The following NMBR variants were observed in gnomAD, a reference collection of about 807,000 sequenced individuals.
The protein encoded by NMBR is neuromedin B receptor.
In NMBR, 16 loss-of-function variants were observed where a neutral mutation model predicts 20.5. The ratio of observed to expected loss-of-function variants is 0.78; its 90% CI spans 0.53 to 1.19. The LOEUF is 1.19. NMBR is among the 50% of genes most tolerant of loss of function. The pLI, the probability that NMBR is intolerant of heterozygous loss-of-function variation, is 0.00. For synonymous variants in NMBR, 212 were observed against 196.6 expected, an observed-to-expected ratio of 1.08 and a Z score of -0.65; for missense variants, 582 against 499.1, an observed-to-expected ratio of 1.17 and a Z score of -1.58.
Position 142,120,845 on chromosome 6 carries a change from TACA to T in NMBR, c.-664+26196_-664+26198del, listed in dbSNP as rs374009784. 4.1e-3 allele frequency among the ~76,000 whole-genome samples: 629 copies of T among 152,114 alleles called. 4 individuals carry two copies. Among genetic ancestry groups the T allele is most frequent in the African/African-American group, 0.014 (600 of 41,546 alleles). The stretch of plus-strand genomic sequence containing the variant: ...ATTCAGCAAACAACAAAATAAAATT[TACA>T]ACATCAGACATCCAGTCAAAAATTA... On this transcript the variant is annotated intron_variant, in intron 1 of 3. Coordinates refer to ENST00000258042, the MANE Select transcript of NMBR (RefSeq NM_002511.4).
chr6:142,075,960 C>A lies in NMBR; in HGVS notation c.861G>T (p.Met287Ile). Residue 287 changes from methionine to isoleucine, a missense_variant, in exon 4 of 4, where the codon ATG (methionine) becomes ATT (isoleucine). Transcript: ENST00000258042. ...TCTCATTATAGTTGAAAGACCGATA[C>A]ATGTAAAGGATGTGGTTTGGAAACC... ...FCWFPNHILY[M>I]YRSFNYNEID... The A allele has an allele frequency of 1.9e-6, 3 of 1,613,778 alleles. No homozygotes were observed. The highest frequency in any genetic ancestry group is 2.2e-5 in the East Asian group (1 of 44,848).
Position 142,119,809 on chromosome 6 carries a change from A to T in NMBR, c.-664+27235T>A, listed in dbSNP as rs185145604. On this transcript the variant is annotated intron_variant, in intron 1 of 3. Transcript: ENST00000258042. Reference sequence around the variant, plus strand: ...CAGAGTCTTTCGTTTTAAGAATTTTACTAAACAACCCACAGAGTCTGGCTT... The same window carrying T: ...CAGAGTCTTTCGTTTTAAGAATTTTTCTAAACAACCCACAGAGTCTGGCTT... Among the ~76,000 whole-genome samples the T allele has an allele frequency of 1.4e-4, 21 of 152,060 alleles. No homozygotes were observed. The East Asian group carries it at 4.1e-3, about 30-fold the overall frequency.
chr6:142,126,183 A>G (rs1258313344), intron 1 of NMBR, among the ~76,000 whole-genome samples: 1 of 151,358 alleles, frequency 6.6e-6, no homozygotes, highest in Admixed American at 6.6e-5. Context: ...CCGTCAACAT[A>G]ATGTCCTTCA....
intron 1 of NMBR, among the ~76,000 whole-genome samples, chr6:142,099,607 GAC>G (rs911901232): frequency 2.0e-5 from 3 of 152,008 alleles, no homozygotes; most frequent in African/African-American, 7.2e-5. Flanking sequence ...TTTTGCTGGG[GAC>G]ACAGAGACAA....
intron 1 of NMBR, among the ~76,000 whole-genome samples, chr6:142,129,933 C>A (rs1230102375): frequency 2.0e-5 from 3 of 152,084 alleles, no homozygotes; most frequent in Non-Finnish European, 2.9e-5. Context: ...GATTCCAGAG[C>A]CCGTGATCTT....
intron 1 of NMBR, among the ~76,000 whole-genome samples, chr6:142,142,358 T>G (rs1778374211): frequency 6.6e-6 from 1 of 152,186 alleles, no homozygotes; most frequent in Non-Finnish European, 1.5e-5. Context: ...ATATTAAAAA[T>G]TCTTAGCAAA....
chr6:142,117,699 T>C (rs970562225), intron 1 of NMBR, among the ~76,000 whole-genome samples: 1 of 151,882 alleles, frequency 6.6e-6, no homozygotes, highest in African/African-American at 2.4e-5. Context: ...TACAAGTATT[T>C]CCCAAATTAA....
At chr6:142,087,922 G>A (rs1337405622) in intron 2 of NMBR, among the ~76,000 whole-genome samples, 1 of 152,176 alleles carries the variant, frequency 6.6e-6, no homozygotes, top group African/African-American at 2.4e-5. Flanking sequence ...TCTTTTGCAT[G>A]TTTATTCTAT....
In NMBR at chr6:142,074,825, T is replaced by TTCATTTGTA. The variant is rs1776896310; in HGVS notation, c.*822_*823insTACAAATGA. On this transcript the variant is annotated 3_prime_UTR_variant, in exon 4 of 4. Coordinates refer to ENST00000258042, the MANE Select transcript of NMBR (RefSeq NM_002511.4). ...TTTGCAATTTGGGACATATGATACC[T>TTCATTTGTA]ATTTTACATTCATAATGTAAATCAT... Among the ~76,000 whole-genome samples, 2 of 152,132 alleles carry TTCATTTGTA rather than the reference T, an allele frequency of 1.3e-5. No homozygotes were observed. The highest frequency in any genetic ancestry group is 1.3e-4 in the Admixed American group (2 of 15,268).
intron 1 of NMBR, among the ~76,000 whole-genome samples, chr6:142,121,308 C>G (rs900523557): frequency 1.3e-5 from 2 of 151,760 alleles, no homozygotes; most frequent in Non-Finnish European, 2.9e-5. Context: ...CCAACAAAGG[C>G]CTCTAAGTGT....
intron 3 of NMBR, among the ~76,000 whole-genome samples, chr6:142,078,130 T>C (rs974060224): frequency 1.3e-5 from 2 of 152,202 alleles, no homozygotes; most frequent in Non-Finnish European, 2.9e-5. Flanking sequence ...TCCCAGGCAG[T>C]GTCCTATAGT....
intron 1 of NMBR, among the ~76,000 whole-genome samples, chr6:142,143,108 A>T (rs2114616753): frequency 6.6e-6 from 1 of 152,216 alleles, no homozygotes; most frequent in Non-Finnish European, 1.5e-5. Context: ...AAATAAACTT[A>T]TGAGGAATAA....
chr6:142,075,723 T>A lies in NMBR; in HGVS notation c.1098A>T (p.Lys366Asn). ...SSSAVRMTSL[K>N]SNAKNMVTNS... ...TGGTCACCATGTTCTTAGCATTGCT[T>A]TTCAGAGATGTCATACGCACCGCTG... Residue 366 changes from lysine (K) to asparagine (N), a missense_variant, in exon 4 of 4, where the codon AAA becomes AAT. By Grantham distance (94) the Lys-to-Asn change is moderately conservative. Coordinates refer to ENST00000258042, the MANE Select transcript of NMBR (RefSeq NM_002511.4). The A allele has an allele frequency of 6.2e-7, 1 of 1,614,022 alleles. No individual in the cohort carries two copies. The highest frequency in any genetic ancestry group is 2.2e-5 in the East Asian group (1 of 44,882).
chr6:142,091,394 T>C (rs570874526), intron 1 of NMBR, among the ~76,000 whole-genome samples: 1 of 152,264 alleles, frequency 6.6e-6, no homozygotes. Context: ...TGGCTAACTT[T>C]TTTAATTTTT....
chr6:142,144,025 G>A (rs541879594), intron 1 of NMBR, among the ~76,000 whole-genome samples: 137 of 152,218 alleles, frequency 9.0e-4, no homozygotes, highest in Non-Finnish European at 1.6e-3. Context: ...TAAATGTGCC[G>A]GAACAATTAA....
chr6:142,092,286 A>G (rs981671706), intron 1 of NMBR, among the ~76,000 whole-genome samples: 1 of 152,172 alleles, frequency 6.6e-6, no homozygotes, highest in Non-Finnish European at 1.5e-5. Flanking sequence ...AGATAAGGAA[A>G]CAACACTCAA....
intron 3 of NMBR, among the ~76,000 whole-genome samples, 155 bp downstream of exon 3, chr6:142,078,400 A>G (rs1490606634): frequency 1.3e-5 from 2 of 152,258 alleles, no homozygotes; most frequent in South Asian, 2.1e-4. Context: ...ATATGACCAT[A>G]TATTAGAGAT....
At position 142,076,481 on chromosome 6, in the gene NMBR, G is replaced by A. The variant is rs185660291; in HGVS notation, c.772-432C>T. On this transcript the variant is annotated intron_variant, in intron 3 of 3. Transcript: ENST00000258042. ...AGGAAAAACTGATCTGATGAAGCAG[G>A]GCTTGCTGTTTAAAACTACCACTCC... is the stretch of plus-strand genomic sequence containing the variant. 1.4e-3 allele frequency among the ~76,000 whole-genome samples: 213 copies of A among 152,078 alleles called. 2 individuals carry two copies. The highest frequency in any genetic ancestry group is 4.7e-3 in the African/African-American group (196 of 41,486).
At chr6:142,104,208 A>G (rs1777616093) in intron 1 of NMBR, among the ~76,000 whole-genome samples, 1 of 152,226 alleles carries the variant, frequency 6.6e-6, no homozygotes, top group South Asian at 2.1e-4. Flanking sequence ...CACAACTGAC[A>G]AGGAAATGTG....
Sources: allele counts gnomAD v4.1 joint callset (sites outside exome capture counted in the v4.1 genomes callset), GRCh38; gene constraint gnomAD v4.1.1; transcripts MANE v1.5; gene names NCBI Gene and HGNC (gene_info 2026-07-23, HGNC 2026-07-21).